ZBTB20: variants seen among roughly 807,000 people sequenced by gnomAD.
ZBTB20 encodes the protein zinc finger and BTB domain-containing protein 20.
Under a neutral mutation model 56.9 loss-of-function variants are expected in ZBTB20, and 9 were observed. The observed-to-expected ratio is 0.16, with a 90% CI of 0.10 to 0.28. The LOEUF is 0.28. ZBTB20 is among the 10% of genes least tolerant of loss of function. The pLI is 1.00. For synonymous variants in ZBTB20, 417 were observed against 420.7 expected (o/e 0.99, Z 0.11); for missense variants, 655 against 1,003.0 (o/e 0.65, Z 4.69).
At chr3:114,663,608 G>C (rs2108100334) in intron 6 of ZBTB20, among the ~76,000 whole-genome samples, 1 of 151,288 alleles carries the variant, frequency 6.6e-6, no homozygotes, top group Non-Finnish European at 1.5e-5. Context: ...TGGATAAAGA[G>C]TCAAGACCCA....
At position 114,753,372 on chromosome 3, in the gene ZBTB20, A is replaced by ATACACAC. The variant is rs1560209551; in HGVS notation, c.-343+47728_-343+47729insGTGTGTA. On this transcript the variant is annotated intron_variant, in intron 5 of 11. Transcript: ENST00000675478. ...TATACATTATATATAATGTATATAT[A>ATACACAC]ATGTATATACACATACATGTATGTA... 2.0e-4 allele frequency among the ~76,000 whole-genome samples: 9 copies of ATACACAC among 45,470 alleles called. 3 individuals are homozygous for ATACACAC. The East Asian group carries it at 6.6e-3, about 34-fold the overall frequency. 29.8% of individuals were successfully genotyped at this position (45,470 alleles called of 152,430 possible).
intron 4 of ZBTB20, among the ~76,000 whole-genome samples, chr3:114,819,445 T>A (rs1321407287): frequency 6.6e-6 from 1 of 151,830 alleles, no homozygotes; most frequent in African/African-American, 2.4e-5. Flanking sequence ...CACAAACTTA[T>A]TTTGAAGCTC....
At chr3:115,135,352 G>GT (rs34787286) in intron 1 of ZBTB20, among the ~76,000 whole-genome samples, 1 of 152,114 alleles carries the variant, frequency 6.6e-6, no homozygotes, top group Non-Finnish European at 1.5e-5. Flanking sequence ...TGGGTGTGAG[G>GT]TATGTCTGGA....
intron 6 of ZBTB20, among the ~76,000 whole-genome samples, chr3:114,622,867 C>T (rs556563021): frequency 6.6e-6 from 1 of 152,126 alleles, no homozygotes; most frequent in Non-Finnish European, 1.5e-5. Flanking sequence ...CATCTCTTTC[C>T]TAAAATTTAA....
chr3:114,468,482 T>A (rs2092635958), intron 7 of ZBTB20, among the ~76,000 whole-genome samples: 1 of 152,324 alleles, frequency 6.6e-6, no homozygotes, highest in Admixed American at 6.5e-5. Flanking sequence ...TTTCTATATG[T>A]ATGAATATTC....
chr3:115,147,260 TC>T lies in ZBTB20; in HGVS notation c.-745del. ...ATCTTCTTTCCTCAACTCCTAAACT[TC>T]CCCCCGCCCCTACTTCTTCGGCAGA... On this transcript the variant is annotated 5_prime_UTR_variant, in exon 1 of 12. Transcript: ENST00000675478. The T allele has an allele frequency of 6.7e-6, 1 of 149,008 alleles. No homozygotes were observed. The highest frequency in any genetic ancestry group is 1.5e-5 in the Non-Finnish European group (1 of 67,232). 9.2% of individuals were successfully genotyped at this position (149,008 alleles called of 1,614,324 possible). A position where few individuals can be genotyped will look rare whatever the true frequency, so the allele number is the denominator to read the frequency against.
chr3:114,379,273 G>A (rs559973511), intron 10 of ZBTB20: 1 of 152,202 alleles, frequency 6.6e-6, no homozygotes, highest in East Asian at 1.9e-4. Context: ...GAATATGCCA[G>A]TTATTTGCAT....
intron 5 of ZBTB20, among the ~76,000 whole-genome samples, chr3:114,696,010 A>AAT (rs1404181049): frequency 2.0e-5 from 3 of 152,026 alleles, no homozygotes; most frequent in Non-Finnish European, 2.9e-5. Context: ...AAATACATTA[A>AAT]ATATATATAT....
intron 4 of ZBTB20, among the ~76,000 whole-genome samples, chr3:114,843,709 C>T (rs1291970587): frequency 1.3e-5 from 2 of 152,064 alleles, no homozygotes; most frequent in Non-Finnish European, 2.9e-5. Context: ...CGGAGTCTCA[C>T]TCTGTCGCCC....
At chr3:114,744,920 A>G (rs1246076212) in intron 5 of ZBTB20, among the ~76,000 whole-genome samples, 3 of 152,266 alleles carry the variant, frequency 2.0e-5, no homozygotes, top group East Asian at 1.9e-4. Context: ...GCATACGTGA[A>G]AAAAAAGAAC....
chr3:114,462,594 G>T (rs1327292905), intron 7 of ZBTB20, among the ~76,000 whole-genome samples: 1 of 152,108 alleles, frequency 6.6e-6, no homozygotes, highest in African/African-American at 2.4e-5. Flanking sequence ...CTCAACAATT[G>T]ATTATGGTCA....
chr3:114,806,093 T>G (rs371526864), intron 4 of ZBTB20, among the ~76,000 whole-genome samples: 1 of 151,888 alleles, frequency 6.6e-6, no homozygotes, highest in African/African-American at 2.4e-5. Context: ...TGGACATATT[T>G]TTTTTCCTCT....
At chr3:114,622,166 T>C (rs1578012836) in intron 6 of ZBTB20, among the ~76,000 whole-genome samples, 2 of 152,074 alleles carry the variant, frequency 1.3e-5, no homozygotes, top group Admixed American at 1.3e-4. Flanking sequence ...CCAGAAACTA[T>C]GAGACAGTTT....
At chr3:114,924,553 T>A (rs1357851514) in intron 3 of ZBTB20, among the ~76,000 whole-genome samples, 2 of 152,104 alleles carry the variant, frequency 1.3e-5, no homozygotes, top group Admixed American at 1.3e-4. Flanking sequence ...TGCCAGGGGA[T>A]GGTGGTGGAG....
intron 10 of ZBTB20, chr3:114,359,581 C>T (rs1410357540): frequency 6.6e-6 from 1 of 152,174 alleles, no homozygotes; most frequent in Non-Finnish European, 1.5e-5. Context: ...TTTTCTCTCT[C>T]TAAAGCGCTT....
intron 4 of ZBTB20, among the ~76,000 whole-genome samples, chr3:114,855,484 G>T (rs80348176): frequency 0.01 from 1,558 of 152,262 alleles, 10 homozygotes; most frequent in Middle Eastern, 0.017. Flanking sequence ...TTCTGGAAAA[G>T]GTATTATGGA....
At position 114,673,674 on chromosome 3, in the gene ZBTB20, G is replaced by T. The variant is rs1413141537; in HGVS notation, c.-295+19854C>A. The stretch of plus-strand genomic sequence containing the variant: ...GCCAGGAAATGCAAAAATGACAGCT[G>T]CATTGTAATTCTAACTCAGCCACAT... On this transcript the variant is annotated intron_variant, in intron 6 of 11. Transcript: ENST00000675478. Among the ~76,000 whole-genome samples the T allele has an allele frequency of 2.6e-5, 4 of 152,126 alleles. No homozygotes were observed. In the East Asian group the frequency reaches 7.7e-4, roughly 29 times the overall value.
intron 7 of ZBTB20, among the ~76,000 whole-genome samples, chr3:114,460,087 G>A (rs1052814525): frequency 3.3e-5 from 5 of 152,066 alleles, no homozygotes; most frequent in Non-Finnish European, 7.4e-5. Context: ...ACTAGTGCTG[G>A]AACCCAGTCT....
chr3:114,912,399 A>G (rs2075576962), intron 3 of ZBTB20, among the ~76,000 whole-genome samples: 1 of 151,740 alleles, frequency 6.6e-6, no homozygotes, highest in Non-Finnish European at 1.5e-5. Flanking sequence ...TAATACGCAC[A>G]TCACTTTTTA....
Sources: allele counts gnomAD v4.1 joint callset (sites outside exome capture counted in the v4.1 genomes callset), GRCh38; gene constraint gnomAD v4.1.1; transcripts MANE v1.5; gene names NCBI Gene and HGNC (gene_info 2026-07-23, HGNC 2026-07-21).